PLD3: variants seen among roughly 807,000 people sequenced by gnomAD.
PLD3 encodes phospholipase D family member 3, also known as 5'-3' exonuclease PLD3.
A neutral mutation model predicts 58.4 loss-of-function variants in PLD3; 31 were observed. The ratio of observed to expected loss-of-function variants is 0.53; its 90% CI spans 0.40 to 0.72. The LOEUF is 0.72. PLD3 is among the 30% of genes least tolerant of loss of function. The pLI, the probability that PLD3 is intolerant of heterozygous loss-of-function variation, is 0.00. For missense variants in PLD3, 595 were observed against 659.8 expected, an observed-to-expected ratio of 0.90 and a Z score of 1.08; for synonymous variants, 264 against 273.4, an observed-to-expected ratio of 0.97 and a Z score of 0.34.
In PLD3 at chr19:40,371,663, C is replaced by T. The variant is rs1308641814; in HGVS notation, c.679-10C>T. On this transcript the variant is annotated splice_polypyrimidine_tract_variant and intron_variant, in intron 8 of 12. Coordinates refer to ENST00000409735, the MANE Select transcript of PLD3 (RefSeq NM_012268.4). ...CCGCTATCGCTGAGCTCAGCACTGC[C>T]CTCCTACAGGTCAAGGAGCTGGGCG... 6.2e-7 allele frequency: 1 copy of T among 1,603,844 alleles called. No homozygotes were observed. The highest frequency in any genetic ancestry group is 8.5e-7 in the Non-Finnish European group (1 of 1,171,650).
intron 1 of PLD3, among the ~76,000 whole-genome samples, chr19:40,354,761 A>G (rs2078610344): frequency 6.6e-6 from 1 of 150,382 alleles, no homozygotes; most frequent in East Asian, 2.0e-4. Flanking sequence ...CCTGACCTCA[A>G]GTGATCCACC....
intron 1 of PLD3, among the ~76,000 whole-genome samples, chr19:40,352,327 G>T (rs1486792360): frequency 2.0e-5 from 3 of 152,100 alleles, no homozygotes; most frequent in African/African-American, 7.2e-5. Flanking sequence ...AAATGCTAAC[G>T]GAATTTTTGA....
At chr19:40,373,600 C>G (rs1292688775) in intron 9 of PLD3, among the ~76,000 whole-genome samples, 1 of 136,050 alleles carries the variant, frequency 7.4e-6, no homozygotes, top group Non-Finnish European at 1.6e-5. Flanking sequence ...GGGGGGGAAG[C>G]GGGGGAGCGG....
chr19:40,367,609 A>T, intron 5 of PLD3, 87 bp from the exon 6 acceptor site: 1 of 1,171,654 alleles, frequency 8.5e-7, no homozygotes. Flanking sequence ...AGTCTATCCA[A>T]CACACCCATG....
At chr19:40,354,270 C>T (rs1425941416) in intron 1 of PLD3, among the ~76,000 whole-genome samples, 1 of 151,760 alleles carries the variant, frequency 6.6e-6, no homozygotes, top group East Asian at 1.9e-4. Flanking sequence ...GACGGGGTTT[C>T]ACCATGTTGG....
chr19:40,371,240 T>G (rs907972700), intron 8 of PLD3, among the ~76,000 whole-genome samples: 1 of 152,048 alleles, frequency 6.6e-6, no homozygotes, highest in African/African-American at 2.4e-5. Context: ...GCTGTAGATA[T>G]AGCTGTGACT....
intron 1 of PLD3, among the ~76,000 whole-genome samples, chr19:40,363,490 G>A (rs1269638116): frequency 6.6e-6 from 1 of 152,178 alleles, no homozygotes; most frequent in Non-Finnish European, 1.5e-5. Context: ...GAGTGCAGTG[G>A]CGCAATCTCA....
intron 1 of PLD3, among the ~76,000 whole-genome samples, chr19:40,362,172 G>A (rs2078803684): frequency 6.6e-6 from 1 of 152,128 alleles, no homozygotes; most frequent in African/African-American, 2.4e-5. Flanking sequence ...GTTCACAGCT[G>A]TATCCCCAGT....
At chr19:40,377,673 G>C in intron 11 of PLD3, 113 bp from the exon 12 acceptor site, 1 of 749,972 alleles carries the variant, frequency 1.3e-6, no homozygotes. Flanking sequence ...CGAGGATTCT[G>C]TGGGAAGCAG....
chr19:40,358,020 AG>A (rs2078693452), intron 1 of PLD3: 1 of 152,212 alleles, frequency 6.6e-6, no homozygotes, highest in African/African-American at 2.4e-5. Context: ...TGGGACTCTG[AG>A]ACCCACCCCC....
intron 11 of PLD3, 58 bp downstream of exon 11, chr19:40,376,832 G>A (rs775164781): frequency 1.1e-4 from 167 of 1,483,006 alleles, no homozygotes; most frequent in Non-Finnish European, 1.5e-4. Context: ...TAGGGACACA[G>A]CCCTCATGGG....
In PLD3 at chr19:40,378,033, T is replaced by G; in HGVS notation, c.1333T>G (p.Ser445Ala). 1 of 1,613,678 alleles carries G rather than the reference T, an allele frequency of 6.2e-7. No individual in the cohort carries two copies. Among genetic ancestry groups the G allele is most frequent in the Non-Finnish European group, 8.5e-7 (1 of 1,179,774 alleles). ...CTACTTCACGGAGACGGCGGGCACC[T>G]CGCTGCTGGTGACGCAGAATGGGAG... ...GNYFTETAGT[S>A]LLVTQNGRGG... The change falls in exon 13 of 13, where the codon TCG becomes GCG. Residue 445 changes from serine (S) to alanine (A), a missense_variant. By Grantham distance (99) the Ser-to-Ala change is moderately conservative (BLOSUM62 1). Transcript: ENST00000409735.
At chr19:40,352,818 C>T (rs1249330889) in intron 1 of PLD3, among the ~76,000 whole-genome samples, 1 of 151,994 alleles carries the variant, frequency 6.6e-6, no homozygotes, top group African/African-American at 2.4e-5. Flanking sequence ...AAAAAACTAG[C>T]TGGGCATGGT....
intron 9 of PLD3, among the ~76,000 whole-genome samples, chr19:40,373,457 A>G (rs1219929522): frequency 1.3e-5 from 2 of 151,914 alleles, no homozygotes; most frequent in African/African-American, 2.4e-5. Context: ...GGCACCTGTA[A>G]TCCCAGCTAC....
intron 11 of PLD3, among the ~76,000 whole-genome samples, chr19:40,377,425 A>AGGGTGGG (rs1568686618): frequency 2.4e-4 from 1 of 4,200 alleles, no homozygotes; most frequent in East Asian, 5.1e-3. Flanking sequence ...GGTCAGGGCC[A>AGGGTGGG]GGGTCGGGGG....
chr19:40,371,925 C>A, intron 9 of PLD3, 52 bp downstream of exon 9: 3 of 1,413,102 alleles, frequency 2.1e-6, no homozygotes, highest in Non-Finnish European at 2.0e-6. Flanking sequence ...TGCCGTCACT[C>A]ACAGCCTCCA....
rs144877469 is a variant in PLD3, at chr19:40,363,661, C to A, written c.-278-2057C>A. Among the ~76,000 whole-genome samples the A allele has an allele frequency of 3.4e-3, 520 of 152,174 alleles. 2 individuals are homozygous for A. The highest frequency in any genetic ancestry group is 0.012 in the African/African-American group (505 of 41,516). Reference sequence around the variant, plus strand: ...GGCCAGGCTGGTCTTGAACTCCTAACCTCAGGTGATCCACCCACCTCGGCC... The same window carrying A: ...GGCCAGGCTGGTCTTGAACTCCTAAACTCAGGTGATCCACCCACCTCGGCC... On this transcript the variant is annotated intron_variant, in intron 1 of 12. Transcript: ENST00000409735.
Position 40,366,922 on chromosome 19 carries a change from G to T in PLD3, c.245+7G>T, listed in dbSNP as rs774230341. On this transcript the variant is annotated splice_region_variant and intron_variant, in intron 5 of 12. Transcript: ENST00000409735. ...CCTGCTATGACCCTTGCGAGTAAGT[G>T]GGGGGTGCTGCAGTTGGTGGGGGAG... is the stretch of plus-strand genomic sequence containing the variant. The T allele has an allele frequency of 1.7e-5, 27 of 1,590,756 alleles. No individual in the cohort carries two copies. In the Admixed American group the frequency reaches 2.6e-4, roughly 15 times the overall value.
intron 11 of PLD3, among the ~76,000 whole-genome samples, chr19:40,377,356 G>A (rs1338147737): frequency 7.3e-6 from 1 of 136,962 alleles, no homozygotes; most frequent in African/African-American, 2.8e-5. Context: ...GGTCAGGGCT[G>A]GGATGGGGGG....
Sources: allele counts gnomAD v4.1 joint callset (sites outside exome capture counted in the v4.1 genomes callset), GRCh38; gene constraint gnomAD v4.1.1; transcripts MANE v1.5; gene names NCBI Gene and HGNC (gene_info 2026-07-23, HGNC 2026-07-21).